The following ABL1 variants were observed in gnomAD, a reference collection of about 807,000 sequenced individuals.
ABL1 encodes the protein tyrosine-protein kinase ABL1.
ABL1 carries 11 observed loss-of-function variants against 94.7 expected under a neutral mutation model. The ratio of observed to expected loss-of-function variants is 0.12; its 90% CI spans 0.07 to 0.19. The LOEUF is 0.19. Among genes scored for constraint, ABL1 ranks in the 10% least tolerant of loss-of-function variants. The pLI, the probability that ABL1 is intolerant of heterozygous loss-of-function variation, is 1.00. For missense variants in ABL1, 1,082 were observed against 1,489.4 expected, an observed-to-expected ratio of 0.73 and a Z score of 4.50; for synonymous variants, 656 against 622.4, an observed-to-expected ratio of 1.05 and a Z score of -0.80.
intron 1 of ABL1, among the ~76,000 whole-genome samples, chr9:130,774,048 T>TACTC (rs1433799216): frequency 4.6e-5 from 7 of 152,210 alleles, no homozygotes; most frequent in Non-Finnish European, 8.8e-5. Flanking sequence ...ATATACTATG[T>TACTC]ACTCTTCTTT....
At chr9:130,831,857 C>T (rs1830498235), upstream of ABL1, among the ~76,000 whole-genome samples, 1 of 152,174 alleles carries the variant, frequency 6.6e-6, no homozygotes. Context: ...GATCGCCCAC[C>T]TTAGCCTCCC....
chr9:130,863,897 A>G lies in ABL1; in HGVS notation c.822+862A>G, dbSNP rs1831114720. ...GGCAGCCCCTTTTTAGAGCTGTTAG[A>G]AAAGAACTGAAACATCCACCTCTGG... On this transcript the variant is annotated intron_variant, in intron 4 of 10. Transcript: ENST00000318560. This position sits in a 1 kb window ranked among gnomAD's most constrained non-coding sequence, Gnocchi z 4.3. Among the ~76,000 whole-genome samples the G allele has an allele frequency of 6.6e-6, 1 of 152,166 alleles. No homozygotes were observed. Among genetic ancestry groups the G allele is most frequent in the Non-Finnish European group, 1.5e-5 (1 of 68,024 alleles).
chr9:130,850,138 A>G (rs897684459), intron 1 of ABL1, among the ~76,000 whole-genome samples: 6 of 152,328 alleles, frequency 3.9e-5, no homozygotes, highest in East Asian at 1.9e-4. Flanking sequence ...AGAGCCAGTC[A>G]TGTTTGTTTC....
rs988113392 is a variant in ABL1 at position 130,884,897 on chromosome 9, C to A, written c.2607C>A (p.Pro869=). Residue 869 remains proline, a synonymous_variant, in exon 11 of 11, where the codon CCC becomes CCA. Coordinates refer to ENST00000318560, the MANE Select transcript of ABL1 (RefSeq NM_005157.6). This position sits in a 1 kb window ranked among gnomAD's most constrained non-coding sequence, Gnocchi z 5.6. ...SGAPGGTSKG[P]AEESRVRRHK... ...CACCAGGGGGCACCAGCAAGGGCCC[C>A]GCCGAGGAGTCCAGAGTGAGGAGGC... The A allele has an allele frequency of 6.2e-7, 1 of 1,609,754 alleles. No individual in the cohort carries two copies. Among genetic ancestry groups the A allele is most frequent in the Non-Finnish European group, 8.5e-7 (1 of 1,178,760 alleles).
exon 1 of ABL1, chr9:130,714,274 G>C (rs1168751965): frequency 6.5e-7 from 1 of 1,527,898 alleles, no homozygotes; most frequent in East Asian, 2.3e-5. Context: ...GACCGTTCTG[G>C]AAGATCTTGA....
chr9:130,776,989 T>C (rs1406048300), intron 1 of ABL1, among the ~76,000 whole-genome samples: 2 of 152,140 alleles, frequency 1.3e-5, no homozygotes. Context: ...TCACTTATTT[T>C]CTATTAATTT....
intron 1 of ABL1, among the ~76,000 whole-genome samples, chr9:130,721,001 C>CT (rs1309990379): frequency 7.1e-6 from 1 of 139,990 alleles, no homozygotes; most frequent in African/African-American, 2.6e-5. Flanking sequence ...AAGACCCTGT[C>CT]TCAAAAAAAA....
At chr9:130,826,131 C>A (rs34394625) in intron 1 of ABL1, among the ~76,000 whole-genome samples, 2,342 of 151,538 alleles carry the variant, frequency 0.015, 16 homozygotes, top group Non-Finnish European at 0.023. Context: ...AAAATAAATT[C>A]TTAAAATGAC....
intron 1 of ABL1, among the ~76,000 whole-genome samples, chr9:130,763,234 A>G (rs1341399358): frequency 6.6e-6 from 1 of 151,798 alleles, no homozygotes; most frequent in Non-Finnish European, 1.5e-5. Flanking sequence ...AAGTGACCCC[A>G]TAATACATGT....
In ABL1 at chr9:130,872,229, G is replaced by C; in HGVS notation, c.907+16G>C. ...CAGCTCCTTGGTGAGTAAGCCCGGG[G>C]CTCTGAAGAGAGGGTCTCGCGCCGC... On this transcript the variant is annotated intron_variant, in intron 5 of 10. Coordinates refer to ENST00000318560, the MANE Select transcript of ABL1 (RefSeq NM_005157.6). This position sits in a 1 kb window ranked among gnomAD's most constrained non-coding sequence, Gnocchi z 5.0. 6.2e-7 allele frequency: 1 copy of C among 1,610,946 alleles called. No homozygotes were observed. Among genetic ancestry groups the C allele is most frequent in the Non-Finnish European group, 8.5e-7 (1 of 1,177,664 alleles).
intron 1 of ABL1, among the ~76,000 whole-genome samples, chr9:130,775,146 A>G (rs780425397): frequency 2.0e-5 from 3 of 152,218 alleles, no homozygotes; most frequent in African/African-American, 7.2e-5. Context: ...GCAGAAGTCA[A>G]TGCATATCCT....
chr9:130,730,966 T>TTATAGCC (rs1158799838), intron 1 of ABL1, among the ~76,000 whole-genome samples: 2 of 151,416 alleles, frequency 1.3e-5, no homozygotes, highest in East Asian at 3.9e-4. Context: ...ATTTACATAA[T>TTATAGCC]TATAGCCATT....
chr9:130,868,541 T>TC (rs1831197727), intron 4 of ABL1, among the ~76,000 whole-genome samples: 1 of 140,868 alleles, frequency 7.1e-6, no homozygotes, highest in Non-Finnish European at 1.5e-5. Flanking sequence ...TTTTTTTTTT[T>TC]CAGACAGAGT....
intron 1 of ABL1, among the ~76,000 whole-genome samples, chr9:130,793,760 G>A (rs908339391): frequency 1.3e-5 from 2 of 152,242 alleles, no homozygotes; most frequent in Admixed American, 1.3e-4. Context: ...ATAGCAGGTG[G>A]TGAGCGGCAG....
Position 130,872,129 on chromosome 9 carries a change from G to A in ABL1, c.823G>A (p.Glu275Lys). ...CACCTTCGTTTTTTTCCTTCTGCAGGAGGACACCATGGAGGTGGAAGAGTT... is the reference window on the plus strand; with the variant it reads ...CACCTTCGTTTTTTTCCTTCTGCAGAAGGACACCATGGAGGTGGAAGAGTT... Reference protein sequence around the residue: ...SLTVAVKTLKEDTMEVEEFLK... With the variant: ...SLTVAVKTLKKDTMEVEEFLK... Residue 275 changes from glutamate (E) to lysine (K), a missense_variant and splice_region_variant, in exon 5 of 11, where the codon GAG becomes AAG. By Grantham distance (56) the Glu-to-Lys change is moderately conservative (BLOSUM62 1). Coordinates refer to ENST00000318560, the MANE Select transcript of ABL1 (RefSeq NM_005157.6). The surrounding 1 kb of genome is among the most constrained non-coding windows in gnomAD (Gnocchi z 5.0). The A allele has an allele frequency of 6.2e-7, 1 of 1,613,936 alleles. No individual in the cohort carries two copies. The highest frequency in any genetic ancestry group is 8.5e-7 in the Non-Finnish European group (1 of 1,179,832).
intron 6 of ABL1, among the ~76,000 whole-genome samples, 156 bp from the exon 7 acceptor site, chr9:130,874,712 G>A (rs1292322800): frequency 6.6e-6 from 1 of 152,222 alleles, no homozygotes; most frequent in African/African-American, 2.4e-5. Flanking sequence ...CTGAGAGGCT[G>A]GCACTGTGTT....
intron 1 of ABL1, among the ~76,000 whole-genome samples, chr9:130,721,720 A>G (rs967825295): frequency 1.3e-5 from 2 of 152,194 alleles, no homozygotes; most frequent in African/African-American, 4.8e-5. Context: ...AAAATAAAAT[A>G]AAATAAAATT....
At chr9:130,830,463 G>A (rs1830481461), upstream of ABL1, among the ~76,000 whole-genome samples, 1 of 152,186 alleles carries the variant, frequency 6.6e-6, no homozygotes, top group African/African-American at 2.4e-5. Flanking sequence ...AGGATGAAAG[G>A]TGGGGCTCTC....
intron 1 of ABL1, among the ~76,000 whole-genome samples, chr9:130,740,491 C>T (rs1831802183): frequency 6.6e-6 from 1 of 152,264 alleles, no homozygotes; most frequent in Non-Finnish European, 1.5e-5. Flanking sequence ...GTATCATGGT[C>T]TCAGCCAGCT....
Sources: gnomAD v4.1 joint callset for allele counts (sites outside exome capture counted in the v4.1 genomes callset) on GRCh38, gnomAD v4.1.1 for gene constraint, Gnocchi (gnomAD v3.1) non-coding constraint, MANE v1.5 for transcripts, NCBI Gene and HGNC (gene_info 2026-07-23, HGNC 2026-07-21) for gene names.